Variants in N4BP2 observed in about 807,000 individuals in gnomAD.
N4BP2 encodes NEDD4-binding protein 2.
Under a neutral mutation model 152.8 loss-of-function variants are expected in N4BP2, and 91 were observed. The observed-to-expected ratio is 0.60, with a 90% CI of 0.50 to 0.71. The LOEUF is 0.71. Ranked by LOEUF, N4BP2 falls within the 30% of genes least tolerant of loss-of-function variation. The probability of loss-of-function intolerance (pLI) is 0.00; values close to 1 mark genes in which losing one functional copy is unlikely to be tolerated. For missense variants in N4BP2, 1,923 were observed against 2,059.1 expected (o/e 0.93, Z 1.28); for synonymous variants, 646 against 705.3 (o/e 0.92, Z 1.33).
At chr4:40,093,101 G>C (rs1226567708) in intron 2 of N4BP2, among the ~76,000 whole-genome samples, 1 of 151,388 alleles carries the variant, frequency 6.6e-6, no homozygotes, top group Non-Finnish European at 1.5e-5. Context: ...CTGCCACCAT[G>C]GCCAGCTAAT....
intron 17 of N4BP2, among the ~76,000 whole-genome samples, 179 bp downstream of exon 17, chr4:40,153,082 C>G (rs1376520272): frequency 6.6e-6 from 1 of 152,200 alleles, no homozygotes; most frequent in African/African-American, 2.4e-5. Flanking sequence ...ATTTAATCAT[C>G]TGATTTCAGC....
At chr4:40,183,413 G>T in the N4BP2 span, among the ~76,000 whole-genome samples, 2 of 149,688 alleles carry the variant, frequency 1.3e-5, no homozygotes, top group South Asian at 2.1e-4. Context: ...TCTGCTCACT[G>T]CAAGCTCCGC....
chr4:40,150,831 C>A (rs1240954621), intron 16 of N4BP2, among the ~76,000 whole-genome samples: 1 of 152,084 alleles, frequency 6.6e-6, no homozygotes, highest in African/African-American at 2.4e-5. Context: ...CAACAAATTA[C>A]TGTAAAAACA....
Position 40,152,858 on chromosome 4 carries a change from G to T in N4BP2, c.5222G>T (p.Arg1741Leu), listed in dbSNP as rs1399951896. Residue 1741 changes from arginine (R) to leucine (L), a missense_variant, in exon 17 of 18, where the codon CGC becomes CTC. By Grantham distance (102) the Arg-to-Leu change is moderately radical (BLOSUM62 -2). Coordinates refer to ENST00000261435, the MANE Select transcript of N4BP2 (RefSeq NM_018177.6). ...AACCACAGCCAGGGAGGAGTTGCTCGCATCAAACCAGCTGTCATTAAGTAC... is the reference window on the plus strand; with the variant it reads ...AACCACAGCCAGGGAGGAGTTGCTCTCATCAAACCAGCTGTCATTAAGTAC... ...RGNHSQGGVA[R>L]IKPAVIKYLI... 3 of 1,613,868 alleles carry T rather than the reference G, an allele frequency of 1.9e-6. No individual in the cohort carries two copies. The highest frequency in any genetic ancestry group is 1.3e-5 in the African/African-American group (1 of 74,882).
intron 2 of N4BP2, among the ~76,000 whole-genome samples, chr4:40,073,848 A>G (rs945251271): frequency 2.0e-5 from 3 of 151,998 alleles, no homozygotes; most frequent in African/African-American, 7.3e-5. Context: ...GCTGTAGTGC[A>G]ATGGCATGAT....
intron 14 of N4BP2, among the ~76,000 whole-genome samples, chr4:40,141,468 C>T (rs1719955164): frequency 6.7e-6 from 1 of 149,124 alleles, no homozygotes; most frequent in Admixed American, 6.7e-5. Flanking sequence ...GGCAGAGGCG[C>T]TCCCCACATC....
chr4:40,092,043 T>TAG (rs1441972926), intron 2 of N4BP2, among the ~76,000 whole-genome samples: 6 of 108,140 alleles, frequency 5.5e-5, no homozygotes, highest in South Asian at 6.0e-4. Context: ...TATATATATA[T>TAG]ATAGCTGAAT....
intron 1 of N4BP2, among the ~76,000 whole-genome samples, chr4:40,061,743 C>T (rs1052398551): frequency 2.6e-5 from 4 of 151,674 alleles, no homozygotes; most frequent in Non-Finnish European, 5.9e-5. Context: ...CGGCTCACTG[C>T]AACCTCCGCC....
At chr4:40,142,623 T>G (rs1720126703) in intron 14 of N4BP2, 50 bp from the exon 15 acceptor site, 1 of 1,139,856 alleles carries the variant, frequency 8.8e-7, no homozygotes, top group Non-Finnish European at 1.2e-6. Flanking sequence ...AAGGCATGAG[T>G]TTTTTTTTTA....
intron 2 of N4BP2, among the ~76,000 whole-genome samples, chr4:40,080,803 G>A (rs1166115085): frequency 2.0e-5 from 3 of 147,508 alleles, no homozygotes; most frequent in Admixed American, 7.0e-5. Context: ...GACTACAGGC[G>A]CCTGCCACCA....
intron 13 of N4BP2, among the ~76,000 whole-genome samples, chr4:40,135,824 C>T (rs1359844690): frequency 1.3e-5 from 2 of 152,196 alleles, no homozygotes; most frequent in African/African-American, 4.8e-5. Context: ...GCCTCGGCCT[C>T]CCAAAGTGTT....
the N4BP2 span, among the ~76,000 whole-genome samples, chr4:40,171,547 C>T: frequency 6.6e-6 from 1 of 152,108 alleles, no homozygotes; most frequent in African/African-American, 2.4e-5. Context: ...GAAGTCCTAA[C>T]CCCCAGTACT....
the N4BP2 span, among the ~76,000 whole-genome samples, chr4:40,164,114 G>T: frequency 6.6e-6 from 1 of 152,206 alleles, no homozygotes; most frequent in East Asian, 1.9e-4. Context: ...TCACGATGCT[G>T]TATGTGTAAG....
chr4:40,146,869 CTTTTTTTTTTT>C (rs33993973), intron 16 of N4BP2, among the ~76,000 whole-genome samples: 5 of 90,040 alleles, frequency 5.6e-5, no homozygotes, highest in African/African-American at 1.8e-4. Flanking sequence ...ATGTGTTTGG[CTTTTTTTTTTT>C]TTTTTTTTTT....
Position 40,097,533 on chromosome 4 carries a change from G to T in N4BP2, c.193G>T (p.Val65Leu). 1 of 1,613,590 alleles carries T rather than the reference G, an allele frequency of 6.2e-7. No homozygotes were observed. Among genetic ancestry groups the T allele is most frequent in the Non-Finnish European group, 8.5e-7 (1 of 1,179,572 alleles). Residue 65 changes from valine to leucine, a missense_variant, in exon 3 of 18, where the codon GTA becomes TTA. Transcript: ENST00000261435. ...GATATTTTCTGATCTGGATCCTGAT[G>T]TAGTGTATTTGATGCTTTCTGAATG... is the stretch of plus-strand genomic sequence containing the variant. ...SEIFSDLDPD[V>L]VYLMLSECDF...
At chr4:40,091,602 C>CTT (rs35142277) in intron 2 of N4BP2, among the ~76,000 whole-genome samples, 2,766 of 80,276 alleles carry the variant, frequency 0.034, 83 homozygotes, top group Non-Finnish European at 0.045. Flanking sequence ...GTATACAATC[C>CTT]TTTTTTTTTT....
rs146879196 is a variant in N4BP2, at chr4:40,138,802, C to T, written c.4785+1720C>T. ...CCAGTACCACTTGTCTTGATTACTG[C>T]GGCTTCTTGATTACTGTGGCTTTGT... On this transcript the variant is annotated intron_variant, in intron 14 of 17. Transcript: ENST00000261435. 2.8e-3 allele frequency among the ~76,000 whole-genome samples: 433 copies of T among 152,244 alleles called. 7 individuals carry two copies. Among genetic ancestry groups the T allele is most frequent in the Admixed American group, 0.021 (325 of 15,288 alleles).
chr4:40,097,533 G>A lies in N4BP2; in HGVS notation c.193G>A (p.Val65Ile), dbSNP rs1159103620. 8 of 1,613,472 alleles carry A rather than the reference G, an allele frequency of 5.0e-6. No individual in the cohort carries two copies. In the Admixed American group the frequency reaches 1.0e-4, roughly 20 times the overall value. ...SEIFSDLDPD[V>I]VYLMLSECDF... is the part of the protein sequence containing the mutation. The stretch of plus-strand genomic sequence containing the variant: ...GATATTTTCTGATCTGGATCCTGAT[G>A]TAGTGTATTTGATGCTTTCTGAATG... Residue 65 changes from valine to isoleucine, a missense_variant, in exon 3 of 18, where the codon GTA becomes ATA. Physicochemically the swap from Val to Ile is conservative, Grantham distance 29. Transcript: ENST00000261435.
At position 40,121,489 on chromosome 4, in the gene N4BP2, G is replaced by T. The variant is rs769420745; in HGVS notation, c.3378G>T (p.Leu1126Phe). Residue 1126 changes from leucine to phenylalanine, a missense_variant, in exon 9 of 18, where the codon TTG becomes TTT. Leu to Phe is a conservative substitution (Grantham distance 22, BLOSUM62 0). Coordinates refer to ENST00000261435, the MANE Select transcript of N4BP2 (RefSeq NM_018177.6). ...TTATTTGGGCCACAAGCCTTTTGTTGGATTCTGAAACTAAGTTATGTGAGG... is the reference window on the plus strand; with the variant it reads ...TTATTTGGGCCACAAGCCTTTTGTTTGATTCTGAAACTAAGTTATGTGAGG... Reference protein sequence around the residue: ...KDIIWATSLLLDSETKLCEDT... With the variant: ...KDIIWATSLLFDSETKLCEDT... The T allele has an allele frequency of 6.2e-7, 1 of 1,613,988 alleles. No individual in the cohort carries two copies. Among genetic ancestry groups the T allele is most frequent in the South Asian group, 1.1e-5 (1 of 91,068 alleles).
Sources: gnomAD v4.1 joint callset for allele counts (sites outside exome capture counted in the v4.1 genomes callset) on GRCh38, gnomAD v4.1.1 for gene constraint, MANE v1.5 for transcripts, NCBI Gene and HGNC (gene_info 2026-07-23, HGNC 2026-07-21) for gene names.